Variants in RGS6 observed in about 807,000 individuals in gnomAD.
The protein encoded by RGS6 is regulator of G protein signaling 6.
A neutral mutation model predicts 78.5 loss-of-function variants in RGS6; 30 were observed. That is an observed-to-expected ratio of 0.38 (90% CI 0.29 to 0.52). RGS6 has a LOEUF of 0.52. RGS6 is among the 20% of genes least tolerant of loss of function. RGS6 has a pLI of 0.85. For missense variants in RGS6, 495 were observed against 609.7 expected (o/e 0.81, Z 1.98); for synonymous variants, 206 against 206.0 (o/e 1.00, Z 0.00).
chr14:72,186,791 T>C (rs149642), intron 2 of RGS6, among the ~76,000 whole-genome samples: 147,161 of 152,302 alleles, frequency 0.97, 71,161 homozygotes, highest in East Asian at 1. Flanking sequence ...AAACAGATGC[T>C]GATGCCGAAT....
At chr14:71,998,886 C>G (rs1046499233) in intron 2 of RGS6, among the ~76,000 whole-genome samples, 1 of 152,120 alleles carries the variant, frequency 6.6e-6, no homozygotes. Flanking sequence ...GTGGAAGCAG[C>G]CAGAGACCAT....
chr14:72,512,813 C>T (rs1293022382), intron 14 of RGS6, among the ~76,000 whole-genome samples: 2 of 152,244 alleles, frequency 1.3e-5, no homozygotes, highest in African/African-American at 4.8e-5. Context: ...CGTTCCATTG[C>T]GTTCATCCCT....
At chr14:72,432,440 A>T (rs1464706992) in intron 3 of RGS6, among the ~76,000 whole-genome samples, 5 of 152,200 alleles carry the variant, frequency 3.3e-5, no homozygotes. Context: ...GTCCCAAGTA[A>T]TGGGTAGCTC....
intron 2 of RGS6, among the ~76,000 whole-genome samples, chr14:72,322,967 T>C (rs2072516509): frequency 6.6e-6 from 1 of 152,070 alleles, no homozygotes; most frequent in Non-Finnish European, 1.5e-5. Flanking sequence ...GAAGAAAGTG[T>C]CATTAATGTC....
At chr14:72,419,693 G>A (rs559266329) in intron 3 of RGS6, among the ~76,000 whole-genome samples, 1 of 152,138 alleles carries the variant, frequency 6.6e-6, no homozygotes, top group South Asian at 2.1e-4. Flanking sequence ...TTGCAAAAAG[G>A]CTCCTGAAAT....
intron 2 of RGS6, among the ~76,000 whole-genome samples, chr14:72,350,769 G>A (rs1450580894): frequency 6.6e-6 from 1 of 152,112 alleles, no homozygotes; most frequent in Non-Finnish European, 1.5e-5. Context: ...ACCCTACCCT[G>A]ATTGATGCAC....
intron 1 of RGS6, among the ~76,000 whole-genome samples, chr14:71,954,417 C>T (rs1040816356): frequency 2.0e-5 from 3 of 151,638 alleles, no homozygotes; most frequent in Admixed American, 2.0e-4. Context: ...CTTTCAAGCT[C>T]ATGGAGTCTT....
the RGS6 span, among the ~76,000 whole-genome samples, chr14:71,896,486 G>A: frequency 6.6e-6 from 1 of 152,142 alleles, no homozygotes. Context: ...GTGGGTTTCG[G>A]CCAGCTTCTT....
intron 2 of RGS6, among the ~76,000 whole-genome samples, chr14:72,206,472 G>A (rs1329766182): frequency 1.3e-5 from 2 of 152,090 alleles, no homozygotes; most frequent in Non-Finnish European, 2.9e-5. Flanking sequence ...ACAATATTGT[G>A]TGTGTGTGTC....
At chr14:72,577,170 T>C in the RGS6 span, among the ~76,000 whole-genome samples, 168 of 152,358 alleles carry the variant, frequency 1.1e-3, no homozygotes, top group Non-Finnish European at 2.0e-3. Context: ...GCCTTCATTA[T>C]AATCAGTAAC....
At chr14:72,074,510 C>A (rs756250416) in intron 2 of RGS6, among the ~76,000 whole-genome samples, 8 of 152,020 alleles carry the variant, frequency 5.3e-5, no homozygotes, top group African/African-American at 1.2e-4. Flanking sequence ...TTGAGCATTT[C>A]TTTAAACTGG....
chr14:72,483,679 T>C (rs1244149231), intron 12 of RGS6, among the ~76,000 whole-genome samples: 1 of 152,048 alleles, frequency 6.6e-6, no homozygotes, highest in Non-Finnish European at 1.5e-5. Context: ...ATGGGGTCTT[T>C]GCTCCTCCTT....
chr14:72,449,703 CGGACTCTGGGT>C (rs2095446457), intron 3 of RGS6, among the ~76,000 whole-genome samples: 1 of 152,178 alleles, frequency 6.6e-6, no homozygotes, highest in South Asian at 2.1e-4. Flanking sequence ...ACCCTTAGGC[CGGACTCTGGGT>C]GGACAGCCCT....
intron 2 of RGS6, among the ~76,000 whole-genome samples, chr14:72,281,659 G>A (rs972306563): frequency 3.3e-5 from 5 of 152,190 alleles, no homozygotes; most frequent in African/African-American, 9.7e-5. Flanking sequence ...ATATACCTGA[G>A]GAATGGGAAG....
In RGS6 at chr14:72,078,352, A is replaced by T. The variant is rs1308196475; in HGVS notation, c.84+113477A>T. On this transcript the variant is annotated intron_variant, in intron 2 of 17. Transcript: ENST00000553525. ...TGTACAGCCTGCAGAACCATGAGTC[A>T]ATTAAATCTTCCTTTATAAATTACC... is the stretch of plus-strand genomic sequence containing the variant. 9.2e-5 allele frequency among the ~76,000 whole-genome samples: 14 copies of T among 152,178 alleles called. No homozygotes were observed. The East Asian group carries it at 2.7e-3, about 29-fold the overall frequency.
rs192758637 is a variant in RGS6 at position 71,997,073 on chromosome 14, A to G, written c.84+32198A>G. The stretch of plus-strand genomic sequence containing the variant: ...GAGGCCATTCGATGGCTATTGCAGC[A>G]ATCTTGAGAGATGGTGGTGGCAGGA... On this transcript the variant is annotated intron_variant, in intron 2 of 17. Transcript: ENST00000553525. Among the ~76,000 whole-genome samples, 42 of 146,836 alleles carry G rather than the reference A, an allele frequency of 2.9e-4. No individual in the cohort carries two copies. The East Asian group carries it at 8.2e-3, about 29-fold the overall frequency.
intron 3 of RGS6, among the ~76,000 whole-genome samples, chr14:72,422,058 G>A (rs766672726): frequency 4.6e-5 from 7 of 152,174 alleles, no homozygotes; most frequent in Non-Finnish European, 1.0e-4. Flanking sequence ...CAAACCTCAT[G>A]AGATATGATG....
chr14:72,297,162 C>T (rs1046340608), intron 2 of RGS6, among the ~76,000 whole-genome samples: 1 of 152,050 alleles, frequency 6.6e-6, no homozygotes, highest in Non-Finnish European at 1.5e-5. Context: ...TAAAACCACA[C>T]TCTTGATTTG....
At chr14:72,550,503 T>C (rs979826478) in intron 17 of RGS6, 10 of 1,535,580 alleles carry the variant, frequency 6.5e-6, no homozygotes, top group Non-Finnish European at 8.7e-6. Flanking sequence ...CTTAACATCA[T>C]AGCACATTAC....
Sources: gnomAD v4.1 joint callset for allele counts (sites outside exome capture counted in the v4.1 genomes callset) on GRCh38, gnomAD v4.1.1 for gene constraint, MANE v1.5 for transcripts, NCBI Gene and HGNC (gene_info 2026-07-23, HGNC 2026-07-21) for gene names.